Variants in CNBD1 observed in about 807,000 individuals in gnomAD.
CNBD1 encodes cyclic nucleotide-binding domain-containing protein 1.
In CNBD1, 71 loss-of-function variants were observed where a neutral mutation model predicts 54.4. The observed-to-expected ratio is 1.30, with a 90% CI of 1.08 to 1.59. The LOEUF (loss-of-function observed/expected upper bound fraction) is 1.59. Ranked by LOEUF, CNBD1 falls within the 40% of genes most tolerant of loss-of-function variation. The pLI, the probability that CNBD1 is intolerant of heterozygous loss-of-function variation, is 0.00. For synonymous variants in CNBD1, 182 were observed against 170.7 expected, an observed-to-expected ratio of 1.07 and a Z score of -0.51; for missense variants, 659 against 518.0, an observed-to-expected ratio of 1.27 and a Z score of -2.64.
At chr8:87,052,678 G>C (rs1022222147) in intron 4 of CNBD1, among the ~76,000 whole-genome samples, 3 of 152,000 alleles carry the variant, frequency 2.0e-5, no homozygotes, top group African/African-American at 7.3e-5. Flanking sequence ...GTTTTCTTTG[G>C]CTATAGGAGA....
chr8:86,994,985 G>A (rs1000686510), intron 4 of CNBD1, among the ~76,000 whole-genome samples: 1 of 152,082 alleles, frequency 6.6e-6, no homozygotes, highest in Non-Finnish European at 1.5e-5. Flanking sequence ...AATCTGAAGG[G>A]GGACAAAGAG....
At chr8:87,238,910 C>T (rs951275797) in intron 6 of CNBD1, among the ~76,000 whole-genome samples, 3 of 152,086 alleles carry the variant, frequency 2.0e-5, no homozygotes, top group African/African-American at 7.2e-5. Flanking sequence ...TCATCCTATG[C>T]CATGGTCCTT....
At chr8:87,143,761 A>T (rs1812423720) in intron 4 of CNBD1, among the ~76,000 whole-genome samples, 1 of 152,188 alleles carries the variant, frequency 6.6e-6, no homozygotes, top group South Asian at 2.1e-4. Context: ...ATGTTTTCTG[A>T]TGGCCAGAAC....
chr8:87,144,506 C>A lies in CNBD1; in HGVS notation c.432-61487C>A, dbSNP rs551301378. On this transcript the variant is annotated intron_variant, in intron 4 of 10. Coordinates refer to ENST00000518476, the MANE Select transcript of CNBD1 (RefSeq NM_173538.3). ...AATTACAGGAAACAATCAATAATGT[C>A]TTGGTAGGTTTAAAAACTATCCCAA... Among the ~76,000 whole-genome samples, 6 of 152,196 alleles carry A rather than the reference C, an allele frequency of 3.9e-5. No individual in the cohort carries two copies. The South Asian group carries it at 1.0e-3, about 26-fold the overall frequency.
intron 4 of CNBD1, among the ~76,000 whole-genome samples, chr8:86,943,365 C>CAA (rs1158061860): frequency 0.036 from 1,165 of 32,008 alleles, 97 homozygotes; most frequent in African/African-American, 0.1. Flanking sequence ...GACTCCATCT[C>CAA]AAAAAAAAAA....
rs563252625 is a variant in CNBD1, at chr8:87,427,985, G to A, written c.214-561G>A. Among the ~76,000 whole-genome samples the A allele has an allele frequency of 3.9e-5, 6 of 152,114 alleles. No individual in the cohort carries two copies. The East Asian group carries it at 9.7e-4, about 25-fold the overall frequency. On this transcript the variant is annotated intron_variant, in intron 2 of 7. Coordinates refer to the CNBD1 transcript ENST00000521593. ...AAATCCTATTGGTTTGGTTTGGGTA[G>A]GGTAGCCTGATATACTCTCTTGTCT...
intron 1 of CNBD1, among the ~76,000 whole-genome samples, chr8:86,871,308 T>G (rs1271247028): frequency 6.6e-6 from 1 of 152,236 alleles, no homozygotes; most frequent in Admixed American, 6.5e-5. Flanking sequence ...GTCCTGTTAT[T>G]AGTTCCATGT....
intron 2 of CNBD1, among the ~76,000 whole-genome samples, chr8:87,399,260 C>A (rs1259554893): frequency 1.3e-5 from 2 of 151,854 alleles, no homozygotes; most frequent in African/African-American, 4.8e-5. Flanking sequence ...AAAACAGCTG[C>A]CAAATATGTG....
chr8:86,958,215 C>A lies in CNBD1; in HGVS notation c.431+18461C>A, dbSNP rs188346486. On this transcript the variant is annotated intron_variant, in intron 4 of 10. Coordinates refer to ENST00000518476, the MANE Select transcript of CNBD1 (RefSeq NM_173538.3). ...GAGACAGTTTGTTATAATTTCTGTT[C>A]TTTTACATTTGCTGAGGAGTGCTTT... Among the ~76,000 whole-genome samples, 805 of 152,254 alleles carry A rather than the reference C, an allele frequency of 5.3e-3. 4 individuals are homozygous for A. Among genetic ancestry groups the A allele is most frequent in the Non-Finnish European group, 8.1e-3 (548 of 68,024 alleles).
chr8:87,119,342 A>G (rs957346420), intron 4 of CNBD1, among the ~76,000 whole-genome samples: 3 of 149,530 alleles, frequency 2.0e-5, no homozygotes, highest in African/African-American at 7.4e-5. Flanking sequence ...TTTGGTAGTT[A>G]TTGTAAGTGG....
At chr8:87,212,489 G>A (rs1247967606) in intron 5 of CNBD1, among the ~76,000 whole-genome samples, 1 of 152,072 alleles carries the variant, frequency 6.6e-6, no homozygotes, top group Non-Finnish European at 1.5e-5. Flanking sequence ...ACATAAAAGT[G>A]TGATATTGGC....
At chr8:86,944,839 C>T (rs1232072826) in intron 4 of CNBD1, among the ~76,000 whole-genome samples, 1 of 152,146 alleles carries the variant, frequency 6.6e-6, no homozygotes, top group African/African-American at 2.4e-5. Context: ...TGTTAGAGTG[C>T]TGTGAAATTT....
chr8:87,147,955 AT>A (rs1812524468), intron 4 of CNBD1, among the ~76,000 whole-genome samples: 1 of 152,092 alleles, frequency 6.6e-6, no homozygotes. Flanking sequence ...TTTATGCAGG[AT>A]ACCTTTCTGA....
At chr8:87,376,517 C>A (rs982650778) in intron 10 of CNBD1, among the ~76,000 whole-genome samples, 7 of 151,784 alleles carry the variant, frequency 4.6e-5, no homozygotes, top group South Asian at 4.1e-4. Flanking sequence ...TAAAAACCGG[C>A]CTAAAAATAA....
At chr8:87,091,398 A>G (rs1586249610) in intron 4 of CNBD1, among the ~76,000 whole-genome samples, 1 of 152,304 alleles carries the variant, frequency 6.6e-6, no homozygotes, top group East Asian at 1.9e-4. Context: ...ATGGAGGAAT[A>G]TACTCAGTAT....
intron 3 of CNBD1, among the ~76,000 whole-genome samples, chr8:86,925,338 T>C (rs989573987): frequency 9.9e-5 from 15 of 152,172 alleles, no homozygotes; most frequent in African/African-American, 3.6e-4. Flanking sequence ...CTGAATTTAA[T>C]TAGTATTTTT....
intron 1 of CNBD1, among the ~76,000 whole-genome samples, chr8:86,881,408 C>G (rs975976720): frequency 2.0e-5 from 3 of 152,048 alleles, no homozygotes; most frequent in African/African-American, 7.2e-5. Context: ...TGAGTGAATT[C>G]CCATTAACAA....
intron 3 of CNBD1, among the ~76,000 whole-genome samples, chr8:86,915,811 T>G (rs1262633701): frequency 6.6e-6 from 1 of 152,218 alleles, no homozygotes; most frequent in Non-Finnish European, 1.5e-5. Context: ...AGTAACTATA[T>G]GACTTTGGAG....
chr8:87,049,057 T>C (rs1012405517), intron 4 of CNBD1, among the ~76,000 whole-genome samples: 3 of 152,196 alleles, frequency 2.0e-5, no homozygotes, highest in Non-Finnish European at 4.4e-5. Context: ...ATGTGGCTTA[T>C]TCTATTTCTG....
Sources: allele counts gnomAD v4.1 joint callset (sites outside exome capture counted in the v4.1 genomes callset), GRCh38; gene constraint gnomAD v4.1.1; transcripts MANE v1.5; gene names NCBI Gene and HGNC (gene_info 2026-07-23, HGNC 2026-07-21).